The following ATRNL1 variants were observed in gnomAD, a reference collection of about 807,000 sequenced individuals.
ATRNL1 encodes the protein attractin like 1.
In ATRNL1, 95 loss-of-function variants were observed where a neutral mutation model predicts 182.7. The observed-to-expected ratio is 0.52, with a 90% CI of 0.44 to 0.62. ATRNL1 has a LOEUF of 0.62. Ranked by LOEUF, ATRNL1 falls within the 20% of genes least tolerant of loss-of-function variation. The probability of loss-of-function intolerance (pLI) is 0.00; values close to 1 mark genes in which losing one functional copy is unlikely to be tolerated. For missense variants in ATRNL1, 1,471 were observed against 1,679.5 expected (o/e 0.88, Z 2.17); for synonymous variants, 576 against 568.3 (o/e 1.01, Z -0.19).
At chr10:115,744,391 A>G (rs1301791457) in intron 27 of ATRNL1, among the ~76,000 whole-genome samples, 1 of 152,184 alleles carries the variant, frequency 6.6e-6, no homozygotes, top group East Asian at 1.9e-4. Flanking sequence ...GCTGTTAAGG[A>G]TGACATTAAT....
chr10:115,797,212 G>A (rs1284397690), intron 27 of ATRNL1, among the ~76,000 whole-genome samples: 1 of 152,146 alleles, frequency 6.6e-6, no homozygotes, highest in African/African-American at 2.4e-5. Context: ...ACTCAGGCCA[G>A]CAACATAATT....
intron 19 of ATRNL1, among the ~76,000 whole-genome samples, chr10:115,353,138 T>C (rs1246307514): frequency 6.6e-6 from 1 of 152,210 alleles, no homozygotes; most frequent in Non-Finnish European, 1.5e-5. Context: ...CTATTTAAAA[T>C]ATATGTTCAG....
chr10:115,146,196 T>C (rs1033464498), intron 5 of ATRNL1, among the ~76,000 whole-genome samples: 20 of 152,134 alleles, frequency 1.3e-4, no homozygotes, highest in Non-Finnish European at 2.9e-4. Context: ...TCTTTAAACA[T>C]GTACCACTTC....
At chr10:115,752,707 A>T (rs2907523) in intron 27 of ATRNL1, among the ~76,000 whole-genome samples, 150,973 of 152,194 alleles carry the variant, frequency 0.99, 74,894 homozygotes, top group Middle Eastern at 1. Flanking sequence ...TAGTACGTTG[A>T]GCACTTTAAT....
chr10:115,728,802 T>G (rs1424912018), intron 27 of ATRNL1, among the ~76,000 whole-genome samples: 1 of 152,148 alleles, frequency 6.6e-6, no homozygotes. Context: ...CATCAGGAAA[T>G]TTGTGTGTAT....
At chr10:115,929,058 G>C (rs1271270939) in intron 28 of ATRNL1, among the ~76,000 whole-genome samples, 1 of 151,954 alleles carries the variant, frequency 6.6e-6, no homozygotes, top group African/African-American at 2.4e-5. Context: ...AAACATGAGA[G>C]AATCAAAATC....
At chr10:115,525,895 C>T (rs1554986448) in intron 25 of ATRNL1, among the ~76,000 whole-genome samples, 1 of 152,132 alleles carries the variant, frequency 6.6e-6, no homozygotes, top group Non-Finnish European at 1.5e-5. Context: ...TGGCTCCTGC[C>T]AGTACGTGCT....
At chr10:115,290,795 A>G (rs1207303178) in intron 15 of ATRNL1, among the ~76,000 whole-genome samples, 1 of 152,188 alleles carries the variant, frequency 6.6e-6, no homozygotes, top group African/African-American at 2.4e-5. Context: ...AGACAAGCTT[A>G]AGGAGGTGGT....
At chr10:115,614,968 T>A (rs1472134303) in intron 26 of ATRNL1, among the ~76,000 whole-genome samples, 2 of 152,144 alleles carry the variant, frequency 1.3e-5, no homozygotes, top group East Asian at 1.9e-4. Flanking sequence ...TGTTTTTTTT[T>A]AATCAATTCA....
intron 25 of ATRNL1, among the ~76,000 whole-genome samples, chr10:115,542,341 A>G (rs569748651): frequency 6.6e-6 from 1 of 152,164 alleles, no homozygotes; most frequent in African/African-American, 2.4e-5. Flanking sequence ...CATAAATGAT[A>G]TCTAGTAGAT....
chr10:115,703,816 A>C (rs1946814166), intron 26 of ATRNL1, among the ~76,000 whole-genome samples: 1 of 151,974 alleles, frequency 6.6e-6, no homozygotes, highest in Non-Finnish European at 1.5e-5. Flanking sequence ...CAAATATCAA[A>C]ATTTACTGTG....
At chr10:115,727,042 G>C (rs1947620695) in intron 26 of ATRNL1, among the ~76,000 whole-genome samples, 1 of 152,030 alleles carries the variant, frequency 6.6e-6, no homozygotes, top group Non-Finnish European at 1.5e-5. Flanking sequence ...TTATTTGTAG[G>C]CACCGTACAT....
intron 27 of ATRNL1, among the ~76,000 whole-genome samples, chr10:115,775,319 T>A (rs1949095850): frequency 6.6e-6 from 1 of 152,206 alleles, no homozygotes; most frequent in Non-Finnish European, 1.5e-5. Context: ...TTCATCTTAC[T>A]TATAGAAAAC....
chr10:115,245,499 C>CAAAAAAAAAAAAA (rs35541977), intron 10 of ATRNL1, among the ~76,000 whole-genome samples: 1 of 72,902 alleles, frequency 1.4e-5, no homozygotes, highest in African/African-American at 5.8e-5. Context: ...CACTCCGTCT[C>CAAAAAAAAAAAAA]AAAAAAAAAA....
chr10:115,486,855 G>T (rs1187149212), intron 24 of ATRNL1, among the ~76,000 whole-genome samples: 15 of 152,040 alleles, frequency 9.9e-5, no homozygotes, highest in African/African-American at 3.4e-4. Context: ...TTCTTCTAGG[G>T]TTTTTATGGT....
At chr10:115,439,532 T>G (rs1554965323) in intron 21 of ATRNL1, among the ~76,000 whole-genome samples, 1 of 151,944 alleles carries the variant, frequency 6.6e-6, no homozygotes. Flanking sequence ...TGTACTAGTT[T>G]TCCAGTCATT....
At chr10:115,866,389 C>G (rs1356003617) in intron 28 of ATRNL1, among the ~76,000 whole-genome samples, 4 of 152,156 alleles carry the variant, frequency 2.6e-5, no homozygotes. Flanking sequence ...CCAAAACAAA[C>G]AAAAACCACC....
At chr10:115,229,870 T>A (rs1456206206) in intron 9 of ATRNL1, among the ~76,000 whole-genome samples, 1 of 151,978 alleles carries the variant, frequency 6.6e-6, no homozygotes, top group Non-Finnish European at 1.5e-5. Flanking sequence ...AAAGACTGTA[T>A]GATAGTATGT....
At chr10:115,112,440 C>T (rs527656390) in intron 1 of ATRNL1, among the ~76,000 whole-genome samples, 61 of 152,132 alleles carry the variant, frequency 4.0e-4, no homozygotes, top group African/African-American at 1.4e-3. Flanking sequence ...ATTTTTTTTG[C>T]ACCAAAACAA....
Sources: gnomAD v4.1 joint callset for allele counts (sites outside exome capture counted in the v4.1 genomes callset) on GRCh38, gnomAD v4.1.1 for gene constraint, MANE v1.5 for transcripts, NCBI Gene and HGNC (gene_info 2026-07-23, HGNC 2026-07-21) for gene names.